The following ANKEF1 variants were observed in gnomAD, a reference collection of about 807,000 sequenced individuals.
ANKEF1 encodes ankyrin repeat and EF-hand domain-containing protein 1.
A neutral mutation model predicts 65.1 loss-of-function variants in ANKEF1; 43 were observed. That is an observed-to-expected ratio of 0.66 (90% CI 0.52 to 0.85). The LOEUF (loss-of-function observed/expected upper bound fraction) is 0.85. Ranked by LOEUF, ANKEF1 falls within the 40% of genes least tolerant of loss-of-function variation. The pLI, the probability that ANKEF1 is intolerant of heterozygous loss-of-function variation, is 0.00. For missense variants in ANKEF1, 934 were observed against 952.9 expected (o/e 0.98, Z 0.26); for synonymous variants, 316 against 341.5 (o/e 0.93, Z 0.82).
Position 10,051,824 on chromosome 20 carries a change from G to A in ANKEF1, c.1805G>A (p.Cys602Tyr). 4.3e-6 allele frequency: 7 copies of A among 1,613,512 alleles called. No homozygotes were observed. The highest frequency in any genetic ancestry group is 5.1e-6 in the Non-Finnish European group (6 of 1,179,804). ...STPLNRAIESCRLDTVKYLLD... is the reference protein window; with the variant it reads ...STPLNRAIESYRLDTVKYLLD... ...CCTTTAAATAGAGCCATTGAAAGCT[G>A]CAGACTGGATACAGTAAAATACCTA... Residue 602 changes from cysteine to tyrosine, a missense_variant, in exon 8 of 11, where the codon TGC becomes TAC. By Grantham distance (194) the Cys-to-Tyr change is radical. Coordinates refer to ENST00000378392, the MANE Select transcript of ANKEF1 (RefSeq NM_022096.6).
intron 8 of ANKEF1, 57 bp from the exon 9 acceptor site, chr20:10,053,055 A>G: frequency 1.3e-6 from 2 of 1,497,806 alleles, no homozygotes; most frequent in South Asian, 1.4e-5. Flanking sequence ...ATTTTTCTAC[A>G]TGGTTTATCA....
At chr20:10,046,660 CTG>C (rs1241253730) in intron 6 of ANKEF1, among the ~76,000 whole-genome samples, 1 of 152,006 alleles carries the variant, frequency 6.6e-6, no homozygotes, top group East Asian at 1.9e-4. Flanking sequence ...CTTTTTAACT[CTG>C]TTAGAGATAG....
At chr20:10,041,064 G>A (rs1984156886) in intron 3 of ANKEF1, among the ~76,000 whole-genome samples, 2 of 151,034 alleles carry the variant, frequency 1.3e-5, no homozygotes, top group South Asian at 4.2e-4. Context: ...TTATTTTAAT[G>A]GTGGAATTTA....
intron 3 of ANKEF1, among the ~76,000 whole-genome samples, chr20:10,041,777 C>G (rs2122230542): frequency 1.3e-5 from 2 of 152,256 alleles, no homozygotes; most frequent in East Asian, 3.9e-4. Context: ...TATGACTGTT[C>G]TTTTAGTCAC....
rs745989495 is a variant in ANKEF1 at position 10,038,584 on chromosome 20, T to C, written c.283T>C (p.Leu95=). ...TMRAAELGHE[L]SMEILAKAKA... ...GAGGGCTGCAGAACTGGGCCATGAA[T>C]TGTCAATGGAAATATTAGCAAAGGC... is the stretch of plus-strand genomic sequence containing the variant. Residue 95 remains leucine (L), a synonymous_variant, in exon 3 of 11, where the codon TTG becomes CTG. Transcript: ENST00000378392. The C allele has an allele frequency of 4.3e-6, 7 of 1,614,014 alleles. No individual in the cohort carries two copies. Among genetic ancestry groups the C allele is most frequent in the African/African-American group, 1.3e-5 (1 of 74,954 alleles).
intron 6 of ANKEF1, 40 bp downstream of exon 6, chr20:10,045,737 A>T: frequency 1.9e-6 from 3 of 1,607,488 alleles, no homozygotes; most frequent in Non-Finnish European, 2.6e-6. Context: ...AGTACTTATG[A>T]TTTACCCATG....
intron 8 of ANKEF1, among the ~76,000 whole-genome samples, chr20:10,052,899 A>G (rs2122275929): frequency 2.0e-5 from 3 of 152,276 alleles, no homozygotes; most frequent in Middle Eastern, 6.8e-3. Context: ...AATTTTCTGT[A>G]TTTAGATGGC....
chr20:10,049,266 C>T, intron 6 of ANKEF1, 124 bp from the exon 7 acceptor site: 1 of 912,240 alleles, frequency 1.1e-6, no homozygotes, highest in Non-Finnish European at 1.7e-6. Context: ...TCTCTATATA[C>T]ATATAATTTG....
At chr20:10,044,585 T>G in intron 5 of ANKEF1, 42 bp downstream of exon 5, 1 of 1,603,768 alleles carries the variant, frequency 6.2e-7, no homozygotes, top group Non-Finnish European at 8.5e-7. Flanking sequence ...TGCTAAAACT[T>G]TTCTGTCCTT....
intron 1 of ANKEF1, 53 bp from the exon 2 acceptor site, chr20:10,035,526 A>C (rs1358274432): frequency 6.6e-6 from 1 of 152,248 alleles, no homozygotes; most frequent in African/African-American, 2.4e-5. Context: ...CCTATATTGA[A>C]GGACTTTGCT....
chr20:10,041,793 C>T (rs1413437885), intron 3 of ANKEF1, among the ~76,000 whole-genome samples: 1 of 152,154 alleles, frequency 6.6e-6, no homozygotes, highest in Non-Finnish European at 1.5e-5. Context: ...GTCACATATT[C>T]TCTATTGATC....
At chr20:10,044,708 A>T (rs1245924782) in intron 5 of ANKEF1, among the ~76,000 whole-genome samples, 165 bp downstream of exon 5, 1 of 152,194 alleles carries the variant, frequency 6.6e-6, no homozygotes, top group African/African-American at 2.4e-5. Context: ...TTATATTTTT[A>T]AAAACTTCAT....
intron 2 of ANKEF1, among the ~76,000 whole-genome samples, chr20:10,035,904 C>A (rs1347841908): frequency 6.6e-6 from 1 of 152,204 alleles, no homozygotes; most frequent in Non-Finnish European, 1.5e-5. Flanking sequence ...CAAGTCAAGA[C>A]ATTCTGCTCT....
chr20:10,050,388 A>G (rs1984789736), intron 7 of ANKEF1, among the ~76,000 whole-genome samples, 176 bp downstream of exon 7: 2 of 152,228 alleles, frequency 1.3e-5, no homozygotes, highest in Non-Finnish European at 2.9e-5. Flanking sequence ...TCATTAAAGA[A>G]TGTTATTAAA....
rs1252822909 is a variant in ANKEF1 at position 10,057,709 on chromosome 20, T to C, written c.*2049T>C. The C allele has an allele frequency of 6.6e-6, 1 of 152,222 alleles. No individual in the cohort carries two copies. The highest frequency in any genetic ancestry group is 1.5e-5 in the Non-Finnish European group (1 of 68,042). The allele number at this position is 152,222 out of a possible 1,614,324, so 9.4% of individuals were successfully genotyped here. Reference sequence around the variant, plus strand: ...CCTAAAATCACGATGTTCTTTTGCATAACAATATTACCATTGGCAAACTAA... The same window carrying C: ...CCTAAAATCACGATGTTCTTTTGCACAACAATATTACCATTGGCAAACTAA... On this transcript the variant is annotated 3_prime_UTR_variant, in exon 11 of 11. Transcript: ENST00000378392.
intron 3 of ANKEF1, among the ~76,000 whole-genome samples, chr20:10,041,798 T>C (rs1367188811): frequency 6.6e-6 from 1 of 152,246 alleles, no homozygotes. Context: ...ATATTCTCTA[T>C]TGATCTCTTG....
chr20:10,048,260 TA>T (rs1440911051), intron 6 of ANKEF1, among the ~76,000 whole-genome samples: 9 of 145,510 alleles, frequency 6.2e-5, no homozygotes, highest in Admixed American at 3.5e-4. Flanking sequence ...AAAATAGATT[TA>T]TTTTTCTTTT....
At chr20:10,048,748 C>T (rs2122255148) in intron 6 of ANKEF1, among the ~76,000 whole-genome samples, 1 of 151,946 alleles carries the variant, frequency 6.6e-6, no homozygotes, top group East Asian at 1.9e-4. Flanking sequence ...AAATAAGGGA[C>T]CAAAAAGGAA....
intron 8 of ANKEF1, among the ~76,000 whole-genome samples, 187 bp downstream of exon 8, chr20:10,052,076 G>A (rs1469631833): frequency 6.6e-6 from 1 of 151,924 alleles, no homozygotes; most frequent in Non-Finnish European, 1.5e-5. Context: ...TGGTGTTGGA[G>A]GGCCAATTCT....
Sources: allele counts gnomAD v4.1 joint callset (sites outside exome capture counted in the v4.1 genomes callset), GRCh38; gene constraint gnomAD v4.1.1; transcripts MANE v1.5; gene names NCBI Gene and HGNC (gene_info 2026-07-23, HGNC 2026-07-21).